PCSK2: variants seen among roughly 807,000 people sequenced by gnomAD.
PCSK2 encodes the protein proprotein convertase subtilisin/kexin type 2.
In PCSK2, 14 loss-of-function variants were observed where a neutral mutation model predicts 69.7. That is an observed-to-expected ratio of 0.20 (90% confidence interval 0.13 to 0.31). The LOEUF (loss-of-function observed/expected upper bound fraction) is 0.31. PCSK2 is among the 10% of genes least tolerant of loss of function. The probability of loss-of-function intolerance (pLI) is 1.00; values close to 1 mark genes in which losing one functional copy is unlikely to be tolerated. For synonymous variants in PCSK2, 307 were observed against 320.7 expected, an observed-to-expected ratio of 0.96 and a Z score of 0.46; for missense variants, 544 against 842.5, an observed-to-expected ratio of 0.65 and a Z score of 4.39.
Position 17,453,613 on chromosome 20 carries a change from C to G in PCSK2, c.886-129C>G. ...TGCCAGAAGGATATGGTGTCCAACC[C>G]AGTTTAAAAAGTGCACCCAGTCTTT... On this transcript the variant is annotated intron_variant, in intron 8 of 11. Coordinates refer to ENST00000262545, the MANE Select transcript of PCSK2 (RefSeq NM_002594.5). This position sits in a 1 kb window ranked among gnomAD's most constrained non-coding sequence, Gnocchi z 4.0. 1.1e-6 allele frequency: 1 copy of G among 870,046 alleles called. No homozygotes were observed. Among genetic ancestry groups the G allele is most frequent in the Non-Finnish European group, 1.7e-6 (1 of 573,184 alleles). 53.9% of individuals were successfully genotyped at this position (870,046 alleles called of 1,614,324 possible). A position where few individuals can be genotyped will look rare whatever the true frequency, so the allele number is the denominator to read the frequency against.
intron 2 of PCSK2, among the ~76,000 whole-genome samples, chr20:17,302,751 T>C (rs537500078): frequency 1.3e-5 from 2 of 152,268 alleles, no homozygotes; most frequent in Admixed American, 6.5e-5. Context: ...CAGAAAAGCT[T>C]TGAGGAACGC....
intron 5 of PCSK2, among the ~76,000 whole-genome samples, chr20:17,386,525 A>G (rs899020473): frequency 3.3e-5 from 5 of 152,186 alleles, no homozygotes; most frequent in Non-Finnish European, 7.3e-5. Context: ...CACTAAATGA[A>G]ATAAGCTAGT....
At chr20:17,481,413 A>AAGAGAG (rs1555799068) in intron 11 of PCSK2, among the ~76,000 whole-genome samples, 171 bp from the exon 12 acceptor site, 1 of 115,820 alleles carries the variant, frequency 8.6e-6, no homozygotes, top group African/African-American at 3.9e-5. Context: ...AAAAAAAAAA[A>AAGAGAG]AGAGATAAGT....
rs574859649 is a variant in PCSK2 at position 17,272,485 on chromosome 20, A to T, written c.282+12141A>T. ...CTAAAACAAGGAACCTTTAAAAAGG[A>T]TTTATTTTTTGAATTTTCATCTTAT... On this transcript the variant is annotated intron_variant, in intron 2 of 11. Transcript: ENST00000262545. Among the ~76,000 whole-genome samples the T allele has an allele frequency of 5.9e-5, 9 of 152,192 alleles. No homozygotes were observed. In the South Asian group the frequency reaches 1.9e-3, roughly 32 times the overall value.
intron 11 of PCSK2, among the ~76,000 whole-genome samples, chr20:17,468,395 C>T (rs1281431853): frequency 3.6e-4 from 51 of 143,116 alleles, no homozygotes; most frequent in African/African-American, 1.3e-3. Context: ...GCATCCTCCA[C>T]GGGCCAGCGT....
At chr20:17,356,837 C>G (rs987199210) in intron 2 of PCSK2, among the ~76,000 whole-genome samples, 1 of 152,080 alleles carries the variant, frequency 6.6e-6, no homozygotes, top group East Asian at 1.9e-4. Context: ...TTGGTCCTTG[C>G]TTCACCTTCC....
chr20:17,463,060 G>A (rs927454176), intron 10 of PCSK2, among the ~76,000 whole-genome samples: 1 of 152,172 alleles, frequency 6.6e-6, no homozygotes, highest in African/African-American at 2.4e-5. Flanking sequence ...AGTTACACTG[G>A]AGAGTGAACT....
At chr20:17,339,270 T>A (rs1307174032) in intron 2 of PCSK2, among the ~76,000 whole-genome samples, 2 of 152,204 alleles carry the variant, frequency 1.3e-5, no homozygotes, top group Non-Finnish European at 2.9e-5. Flanking sequence ...AGGAGACAAG[T>A]GAACAAAGTG....
At chr20:17,410,719 G>C (rs2031853033) in intron 6 of PCSK2, among the ~76,000 whole-genome samples, 1 of 152,196 alleles carries the variant, frequency 6.6e-6, no homozygotes, top group Admixed American at 6.5e-5. Context: ...CTAGATGGTA[G>C]CATATATTTA....
At chr20:17,465,140 T>C in intron 10 of PCSK2, 186 bp from the exon 11 acceptor site, 1 of 604,606 alleles carries the variant, frequency 1.7e-6, no homozygotes, top group Non-Finnish European at 3.0e-6. Flanking sequence ...ATTTCTTTAA[T>C]TGACTTATAT....
At chr20:17,350,768 C>T (rs533809013) in intron 2 of PCSK2, among the ~76,000 whole-genome samples, 1 of 152,116 alleles carries the variant, frequency 6.6e-6, no homozygotes, top group Non-Finnish European at 1.5e-5. Context: ...TAAGGCCAGG[C>T]GTGGTGGCTT....
intron 2 of PCSK2, among the ~76,000 whole-genome samples, chr20:17,334,153 A>C (rs1243106508): frequency 6.6e-6 from 1 of 151,812 alleles, no homozygotes. Context: ...GATCTGAAAG[A>C]GCAGTGGAGT....
rs1474223748 is a variant in PCSK2, at chr20:17,482,908, A to G, written c.*838A>G. On this transcript the variant is annotated 3_prime_UTR_variant, in exon 12 of 12. Coordinates refer to ENST00000262545, the MANE Select transcript of PCSK2 (RefSeq NM_002594.5). ...GCTACCCAAAAGAGAAAAAAAATTA[A>G]GACAAGCCTGGCAACACACCTGGTG... 6.6e-6 allele frequency: 1 copy of G among 152,262 alleles called. No individual in the cohort carries two copies. The highest frequency in any genetic ancestry group is 2.4e-5 in the African/African-American group (1 of 41,458). 9.4% of individuals were successfully genotyped at this position (152,262 alleles called of 1,614,324 possible). A position where few individuals can be genotyped will look rare whatever the true frequency, so the allele number is the denominator to read the frequency against.
intron 1 of PCSK2, among the ~76,000 whole-genome samples, chr20:17,258,723 T>C (rs1987269273): frequency 6.6e-6 from 1 of 151,722 alleles, no homozygotes; most frequent in Non-Finnish European, 1.5e-5. Flanking sequence ...TGTGATAGCA[T>C]CTGAGTGACA....
chr20:17,320,702 T>C (rs1162512562), intron 2 of PCSK2, among the ~76,000 whole-genome samples: 1 of 152,154 alleles, frequency 6.6e-6, no homozygotes, highest in Non-Finnish European at 1.5e-5. Flanking sequence ...TGGAGGGTGC[T>C]CGGGGAGGAT....
chr20:17,275,700 A>G (rs1988042154), intron 2 of PCSK2, among the ~76,000 whole-genome samples: 1 of 152,136 alleles, frequency 6.6e-6, no homozygotes, highest in African/African-American at 2.4e-5. Context: ...ATTTTCTTTG[A>G]AGTATAAGGA....
chr20:17,447,313 G>T (rs923191738), intron 8 of PCSK2, among the ~76,000 whole-genome samples: 1 of 149,430 alleles, frequency 6.7e-6, no homozygotes, highest in East Asian at 1.9e-4. Context: ...CATAGGCAAA[G>T]CATATTATCT....
At chr20:17,257,054 C>T (rs1042464692) in intron 1 of PCSK2, among the ~76,000 whole-genome samples, 4 of 151,930 alleles carry the variant, frequency 2.6e-5, no homozygotes, top group Non-Finnish European at 4.4e-5. Flanking sequence ...CAAGTCTTTG[C>T]TATTGTGGAA....
At chr20:17,479,154 G>C (rs1463306744) in intron 11 of PCSK2, 3 of 1,378,798 alleles carry the variant, frequency 2.2e-6, no homozygotes. Flanking sequence ...TTACGGTACA[G>C]GTTCCATCAG....
Sources: gnomAD v4.1 joint callset for allele counts (sites outside exome capture counted in the v4.1 genomes callset) on GRCh38, gnomAD v4.1.1 for gene constraint, Gnocchi (gnomAD v3.1) non-coding constraint, MANE v1.5 for transcripts, NCBI Gene and HGNC (gene_info 2026-07-23, HGNC 2026-07-21) for gene names.